Variants in KLC3 observed in about 807,000 individuals in gnomAD.
KLC3 encodes the protein kinesin light chain 2.
In KLC3, 72 loss-of-function variants were observed where a neutral mutation model predicts 62.9. The ratio of observed to expected loss-of-function variants is 1.15; its 90% CI spans 0.95 to 1.39. The LOEUF (loss-of-function observed/expected upper bound fraction) is 1.39, where lower values mean the gene tolerates loss of function less well. Among genes scored for constraint, KLC3 ranks in the 40% most tolerant of loss-of-function variants. The pLI, the probability that KLC3 is intolerant of heterozygous loss-of-function variation, is 0.00. For synonymous variants in KLC3, 377 were observed against 300.5 expected, an observed-to-expected ratio of 1.25 and a Z score of -2.63; for missense variants, 848 against 691.6, an observed-to-expected ratio of 1.23 and a Z score of -2.54.
intron 1 of KLC3, among the ~76,000 whole-genome samples, chr19:45,342,874 C>A (rs779679248): frequency 3.9e-5 from 6 of 152,158 alleles, no homozygotes; most frequent in Non-Finnish European, 7.3e-5. Flanking sequence ...CTGTGGTGCA[C>A]AAAACGTACA....
chr19:45,350,446 C>T lies in KLC3; in HGVS notation c.1234+15C>T. ...CGCCCCTCTCGGTGAGCCCCTAGCC[C>T]CTGTCTGTCTTCCCTCCTGGTGGCT... On this transcript the variant is annotated intron_variant, in intron 9 of 12. Transcript: ENST00000391946. 1 of 1,613,320 alleles carries T rather than the reference C, an allele frequency of 6.2e-7. No individual in the cohort carries two copies.
intron 8 of KLC3, 101 bp downstream of exon 8, chr19:45,349,703 G>GGGGGGGGGGCCCCC: frequency 1.2e-6 from 1 of 821,024 alleles, no homozygotes; most frequent in Non-Finnish European, 1.8e-6. Flanking sequence ...GGGTGGGGGG[G>GGGGGGGGGGCCCCC]GGCCCCCCAG....
chr19:45,343,182 G>T (rs1021592776), intron 1 of KLC3, among the ~76,000 whole-genome samples: 4 of 152,134 alleles, frequency 2.6e-5, no homozygotes, highest in African/African-American at 9.7e-5. Context: ...TGGGCACATT[G>T]TGGGGAGTTG....
rs142961755 is a variant in KLC3 at position 45,348,733 on chromosome 19, G to A, written c.867G>A (p.Ala289=). 7.3e-5 allele frequency: 116 copies of A among 1,583,310 alleles called. 1 individual carries two copies. The highest frequency in any genetic ancestry group is 3.6e-4 in the South Asian group (31 of 86,638). ...REQTLGPEHP[A]VAATLNNLAV... ...AGACGCTGGGCCCTGAGCACCCCGCGGTGAGTGGGGCCCCAGGGAGACGAA... is the reference window on the plus strand; with the variant it reads ...AGACGCTGGGCCCTGAGCACCCCGCAGTGAGTGGGGCCCCAGGGAGACGAA... The change falls in exon 6 of 13, where the codon GCG becomes GCA. Residue 289 remains alanine, a splice_region_variant and synonymous_variant. Transcript: ENST00000391946.
chr19:45,345,471 G>A (rs1310590375), intron 1 of KLC3, 63 bp from the exon 2 acceptor site: 1 of 1,547,982 alleles, frequency 6.5e-7, no homozygotes, highest in East Asian at 2.4e-5. Context: ...TGGGAATAGA[G>A]GCTGGGGGCC....
Position 45,349,572 on chromosome 19 carries a change from C to T in KLC3, c.1113C>T (p.Asp371=), listed in dbSNP as rs1971608581. The T allele has an allele frequency of 1.2e-6, 2 of 1,613,176 alleles. No homozygotes were observed. Among genetic ancestry groups the T allele is most frequent in the African/African-American group, 1.3e-5 (1 of 74,902 alleles). Residue 371 remains aspartate, a synonymous_variant, in exon 8 of 13, where the codon GAC becomes GAT. Transcript: ENST00000391946. ...ATGAGGCACTGGGCGGGCCCCATGA[C>T]CCCAACGTGGCCAAGACCAAGAACA... ...SIYEALGGPH[D]PNVAKTKNNL...
intron 8 of KLC3, 127 bp from the exon 9 acceptor site, chr19:45,350,211 TAGG>T (rs897527112): frequency 1.5e-6 from 1 of 672,174 alleles, no homozygotes; most frequent in African/African-American, 1.9e-5. Context: ...CACTTGAGGC[TAGG>T]AGTTCAAGAC....
At chr19:45,345,845 C>T (rs959396217) in intron 2 of KLC3, 46 bp downstream of exon 2, 17 of 1,455,922 alleles carry the variant, frequency 1.2e-5, no homozygotes, top group African/African-American at 2.9e-5. Context: ...CAGCTGAGGG[C>T]GGAGGGAGGG....
At chr19:45,346,434 T>G in intron 2 of KLC3, 110 bp from the exon 3 acceptor site, 3 of 894,230 alleles carry the variant, frequency 3.4e-6, no homozygotes, top group Non-Finnish European at 4.9e-6. Context: ...AATCTGGGGG[T>G]GTCGTGCATA....
chr19:45,350,856 T>G (rs1599718749), intron 11 of KLC3, 98 bp from the exon 12 acceptor site: 1 of 1,061,546 alleles, frequency 9.4e-7, no homozygotes, highest in Admixed American at 2.4e-5. Flanking sequence ...CCATCTCCCC[T>G]GTGATACACA....
rs145443741 is a variant in KLC3 at position 45,346,729 on chromosome 19, G to A, written c.444G>A (p.Glu148=). Residue 148 remains glutamate, a synonymous_variant, in exon 3 of 13, where the codon GAG becomes GAA. Transcript: ENST00000391946. The part of the protein sequence containing the change: ...AQLEEEKRHL[E]FLGQLRQYDP... ...TGGAGGAGGAGAAGCGCCACCTGGA[G>A]TTCCTGGGGCAGCTGCGACAGTACG... 8 of 1,588,512 alleles carry A rather than the reference G, an allele frequency of 5.0e-6. No individual in the cohort carries two copies. The highest frequency in any genetic ancestry group is 6.8e-6 in the Non-Finnish European group (8 of 1,168,280).
chr19:45,342,611 C>CA (rs1400253098), intron 1 of KLC3, among the ~76,000 whole-genome samples: 1 of 151,860 alleles, frequency 6.6e-6, no homozygotes, highest in Admixed American at 6.6e-5. Flanking sequence ...ACTAAAAATA[C>CA]AAAAATTAGC....
chr19:45,340,813 G>A lies in KLC3; in HGVS notation c.-42G>A, dbSNP rs940181159. ...CCTGCGGGACGCGACTGATCGCAGT[G>A]GGGCGAAGCGGGGCCGGAGCCGCCC... is the stretch of plus-strand genomic sequence containing the variant. On this transcript the variant is annotated 5_prime_UTR_variant, in exon 1 of 13. Coordinates refer to ENST00000391946, the MANE Select transcript of KLC3 (RefSeq NM_177417.3). 13 of 152,130 alleles carry A rather than the reference G, an allele frequency of 8.5e-5. No homozygotes were observed. Among genetic ancestry groups the A allele is most frequent in the Non-Finnish European group, 1.8e-4 (12 of 68,024 alleles). 9.4% of individuals were successfully genotyped at this position (152,130 alleles called of 1,614,324 possible).
intron 8 of KLC3, 59 bp from the exon 9 acceptor site, chr19:45,350,282 C>A: frequency 3.1e-5 from 38 of 1,244,590 alleles, no homozygotes; most frequent in Non-Finnish European, 4.0e-5. Flanking sequence ...AAAGGCGGGA[C>A]TGGATGCAGT....
chr19:45,347,432 T>C lies in KLC3; in HGVS notation c.490-15T>C, dbSNP rs1381474433. 1.9e-6 allele frequency: 3 copies of C among 1,606,090 alleles called. No individual in the cohort carries two copies. Reference sequence around the variant, plus strand: ...GCCCCCACCACCCCGGCCCCCCACTTTCCTGTCTCTGCAGCAGTCTGAGTC... The same window carrying C: ...GCCCCCACCACCCCGGCCCCCCACTCTCCTGTCTCTGCAGCAGTCTGAGTC... On this transcript the variant is annotated splice_polypyrimidine_tract_variant and intron_variant, in intron 3 of 12. Coordinates refer to ENST00000391946, the MANE Select transcript of KLC3 (RefSeq NM_177417.3).
chr19:45,347,689 C>T (rs1009262490), intron 4 of KLC3, among the ~76,000 whole-genome samples, 173 bp downstream of exon 4: 22 of 152,206 alleles, frequency 1.4e-4, no homozygotes, highest in African/African-American at 4.8e-4. Flanking sequence ...ACAGGGTAGC[C>T]GCTATGAGCC....
chr19:45,341,578 T>TGTGTGTGTGTGTGTGC, intron 1 of KLC3, among the ~76,000 whole-genome samples: 9 of 139,900 alleles, frequency 6.4e-5, no homozygotes, highest in Admixed American at 2.1e-4. Context: ...TGTGTGTGTG[T>TGTGTGTGTGTGTGTGC]GCGCGCGCGC....
intron 4 of KLC3, 28 bp downstream of exon 4, chr19:45,347,544 G>A: frequency 1.9e-6 from 3 of 1,583,190 alleles, no homozygotes; most frequent in South Asian, 1.1e-5. Flanking sequence ...ATGCCACAGA[G>A]GATGGCAGGC....
intron 8 of KLC3, 90 bp downstream of exon 8, chr19:45,349,692 A>C: frequency 2.7e-5 from 18 of 678,314 alleles, no homozygotes; most frequent in Non-Finnish European, 3.0e-5. Context: ...GAGCAACGTG[A>C]GGGTGGGGGG....
Sources: gnomAD v4.1 joint callset for allele counts (sites outside exome capture counted in the v4.1 genomes callset) on GRCh38, gnomAD v4.1.1 for gene constraint, MANE v1.5 for transcripts, NCBI Gene and HGNC (gene_info 2026-07-23, HGNC 2026-07-21) for gene names.